Variants in STXBP5L observed in about 807,000 individuals in gnomAD.
STXBP5L encodes syntaxin binding protein 5L.
STXBP5L carries 65 observed loss-of-function variants against 144.5 expected under a neutral mutation model. That is an observed-to-expected ratio of 0.45 (90% CI 0.37 to 0.55). The LOEUF (loss-of-function observed/expected upper bound fraction) is 0.55, where lower values mean the gene tolerates loss of function less well. Among genes scored for constraint, STXBP5L ranks in the 20% least tolerant of loss-of-function variants. The pLI is 0.00. For missense variants in STXBP5L, 1,298 were observed against 1,405.5 expected (o/e 0.92, Z 1.22); for synonymous variants, 505 against 469.6 (o/e 1.08, Z -0.97).
intron 10 of STXBP5L, among the ~76,000 whole-genome samples, chr3:121,220,077 A>C (rs1477605260): frequency 6.6e-6 from 1 of 152,098 alleles, no homozygotes; most frequent in Admixed American, 6.6e-5. Context: ...AAAAATAAAG[A>C]ATATTTCCAT....
chr3:120,973,006 C>A (rs976399975), intron 3 of STXBP5L, among the ~76,000 whole-genome samples: 44 of 152,048 alleles, frequency 2.9e-4, no homozygotes, highest in African/African-American at 1.0e-3. Context: ...CAACTCTGTT[C>A]ATCAGAGATA....
chr3:121,260,055 T>G (rs2050335139), intron 18 of STXBP5L, among the ~76,000 whole-genome samples: 1 of 152,080 alleles, frequency 6.6e-6, no homozygotes, highest in South Asian at 2.1e-4. Flanking sequence ...CAAACTATAC[T>G]CCCACCACCA....
Position 121,316,864 on chromosome 3 carries a change from G to A in STXBP5L, c.2111-1611G>A, listed in dbSNP as rs144887845. On this transcript the variant is annotated intron_variant, in intron 19 of 26. Transcript: ENST00000471454. ...GCCCATTTTTTCACTGTTGTTCCAC[G>A]TTACTTTTCTTAATGTTTCTAGTTC... is the stretch of plus-strand genomic sequence containing the variant. Among the ~76,000 whole-genome samples, 92 of 152,126 alleles carry A rather than the reference G, an allele frequency of 6.0e-4. 2 individuals carry two copies. The East Asian group carries it at 0.012, about 19-fold the overall frequency.
chr3:121,063,065 G>T (rs894410281), intron 5 of STXBP5L, among the ~76,000 whole-genome samples: 5 of 152,160 alleles, frequency 3.3e-5, no homozygotes, highest in African/African-American at 7.2e-5. Context: ...GAGGAGTTGT[G>T]ATCCTCTGGA....
chr3:121,345,637 C>T (rs751697145), intron 20 of STXBP5L, among the ~76,000 whole-genome samples: 13 of 151,956 alleles, frequency 8.6e-5, no homozygotes, highest in African/African-American at 1.2e-4. Flanking sequence ...AGTGTAAAAG[C>T]GTGCCTATTT....
intron 19 of STXBP5L, among the ~76,000 whole-genome samples, chr3:121,312,268 A>C (rs1204800769): frequency 6.6e-6 from 1 of 151,874 alleles, no homozygotes; most frequent in African/African-American, 2.4e-5. Flanking sequence ...ATTACCATTC[A>C]GGACATAGGC....
chr3:121,401,457 C>T (rs13083913), intron 22 of STXBP5L, among the ~76,000 whole-genome samples: 12,498 of 145,404 alleles, frequency 0.086, 938 homozygotes, highest in East Asian at 0.4. Context: ...ATGTTTATTG[C>T]GGCACTATTC....
chr3:121,167,478 T>A (rs1264134386), intron 9 of STXBP5L, among the ~76,000 whole-genome samples: 1 of 152,136 alleles, frequency 6.6e-6, no homozygotes, highest in African/African-American at 2.4e-5. Context: ...AGAGTATAGA[T>A]CCCACTTTAG....
chr3:120,911,492 G>A (rs1273310580), intron 2 of STXBP5L, among the ~76,000 whole-genome samples: 1 of 152,110 alleles, frequency 6.6e-6, no homozygotes, highest in Non-Finnish European at 1.5e-5. Flanking sequence ...TGCATCTGCA[G>A]TGTAGGAATA....
At chr3:121,181,558 AC>A (rs1407737196) in intron 9 of STXBP5L, among the ~76,000 whole-genome samples, 2 of 152,164 alleles carry the variant, frequency 1.3e-5, no homozygotes, top group Non-Finnish European at 2.9e-5. Flanking sequence ...ACATGGTGAA[AC>A]CCCTTCTCTA....
intron 19 of STXBP5L, among the ~76,000 whole-genome samples, chr3:121,304,025 T>TAA (rs200452048): frequency 1.1e-4 from 15 of 138,746 alleles, no homozygotes; most frequent in East Asian, 8.1e-4. Context: ...ACTTAAAGTA[T>TAA]ATAAAAAAAA....
chr3:121,184,668 C>G (rs1353588052), intron 9 of STXBP5L, among the ~76,000 whole-genome samples: 1 of 152,072 alleles, frequency 6.6e-6, no homozygotes, highest in Non-Finnish European at 1.5e-5. Context: ...AGAACTTCCC[C>G]AACCTAGCAA....
chr3:121,046,810 G>A (rs1282082631), intron 5 of STXBP5L, among the ~76,000 whole-genome samples: 1 of 151,878 alleles, frequency 6.6e-6, no homozygotes, highest in African/African-American at 2.4e-5. Flanking sequence ...ACCAACTCTT[G>A]TACTCATTGA....
At chr3:120,970,135 A>G (rs1559928090) in intron 3 of STXBP5L, among the ~76,000 whole-genome samples, 1 of 152,046 alleles carries the variant, frequency 6.6e-6, no homozygotes, top group Non-Finnish European at 1.5e-5. Flanking sequence ...TTTTTATATT[A>G]TCTGTTTCTT....
intron 20 of STXBP5L, among the ~76,000 whole-genome samples, chr3:121,329,212 T>G (rs2044247273): frequency 6.6e-6 from 1 of 152,144 alleles, no homozygotes; most frequent in Non-Finnish European, 1.5e-5. Context: ...CGTAGGTTGG[T>G]TAATACTCAT....
intron 5 of STXBP5L, chr3:121,049,815 C>G (rs1413585039): frequency 6.5e-6 from 1 of 153,556 alleles, no homozygotes; most frequent in African/African-American, 2.4e-5. Flanking sequence ...TGTTGAGGTG[C>G]CTGGGGATCC....
chr3:121,318,110 G>A (rs1370268019), intron 19 of STXBP5L, among the ~76,000 whole-genome samples: 1 of 151,898 alleles, frequency 6.6e-6, no homozygotes, highest in Non-Finnish European at 1.5e-5. Flanking sequence ...AAATACTCTT[G>A]CATGTCAATC....
At chr3:121,120,236 A>G (rs1445394946) in intron 6 of STXBP5L, among the ~76,000 whole-genome samples, 4 of 151,332 alleles carry the variant, frequency 2.6e-5, no homozygotes, top group Non-Finnish European at 5.9e-5. Context: ...GTTTGTTGGC[A>G]ATTATGAATT....
intron 3 of STXBP5L, among the ~76,000 whole-genome samples, chr3:121,021,723 T>C (rs1206936801): frequency 6.6e-6 from 1 of 152,218 alleles, no homozygotes; most frequent in East Asian, 1.9e-4. Flanking sequence ...TGAACAATAG[T>C]AGTGACACAA....
Sources: gnomAD v4.1 joint callset for allele counts (sites outside exome capture counted in the v4.1 genomes callset) on GRCh38, gnomAD v4.1.1 for gene constraint, MANE v1.5 for transcripts, NCBI Gene and HGNC (gene_info 2026-07-23, HGNC 2026-07-21) for gene names.